The following STK3 variants were observed in gnomAD, a reference collection of about 807,000 sequenced individuals.
The protein encoded by STK3 is serine/threonine kinase 3.
A neutral mutation model predicts 58.0 loss-of-function variants in STK3; 41 were observed. That is an observed-to-expected ratio of 0.71 (90% CI 0.55 to 0.92). The LOEUF (loss-of-function observed/expected upper bound fraction) is 0.92, where lower values mean the gene tolerates loss of function less well. Among genes scored for constraint, STK3 ranks in the 40% least tolerant of loss-of-function variants. The probability of loss-of-function intolerance (pLI) is 0.00; values close to 1 mark genes in which losing one functional copy is unlikely to be tolerated. For missense variants in STK3, 479 were observed against 602.7 expected (o/e 0.79, Z 2.15); for synonymous variants, 170 against 191.0 (o/e 0.89, Z 0.91).
intron 10 of STK3, among the ~76,000 whole-genome samples, chr8:98,471,135 G>A (rs1182420074): frequency 3.3e-5 from 5 of 152,106 alleles, no homozygotes; most frequent in Admixed American, 6.5e-5. Flanking sequence ...AAGTTAGGAA[G>A]CTGGGCCACT....
intron 6 of STK3, among the ~76,000 whole-genome samples, chr8:98,690,695 T>G (rs571652646): frequency 6.6e-6 from 1 of 152,222 alleles, no homozygotes; most frequent in South Asian, 2.1e-4. Flanking sequence ...AGAAAAAAAC[T>G]ATTCCAAAAT....
intron 4 of STK3, among the ~76,000 whole-genome samples, chr8:98,736,448 G>T (rs1239390077): frequency 2.0e-5 from 3 of 152,150 alleles, no homozygotes; most frequent in Non-Finnish European, 2.9e-5. Context: ...CAGTGACAAG[G>T]TATGAAACTG....
intron 1 of STK3, among the ~76,000 whole-genome samples, chr8:98,926,770 A>T (rs143841548): frequency 3.3e-5 from 5 of 152,360 alleles, no homozygotes; most frequent in African/African-American, 1.2e-4. Flanking sequence ...CAAAAGAGGA[A>T]GTTAGGGCAG....
chr8:98,702,278 G>C (rs1200756111), intron 6 of STK3, among the ~76,000 whole-genome samples: 1 of 152,148 alleles, frequency 6.6e-6, no homozygotes, highest in East Asian at 1.9e-4. Flanking sequence ...CTGACAAACT[G>C]ATAAACTAAA....
chr8:98,535,600 C>G (rs1039026928), intron 9 of STK3, among the ~76,000 whole-genome samples: 1 of 152,024 alleles, frequency 6.6e-6, no homozygotes, highest in Non-Finnish European at 1.5e-5. Flanking sequence ...AGTCAGGGTT[C>G]TCTTGATATA....
upstream of STK3, among the ~76,000 whole-genome samples, chr8:98,391,187 CT>C (rs1817845959): frequency 6.6e-6 from 1 of 152,174 alleles, no homozygotes; most frequent in African/African-American, 2.4e-5. Flanking sequence ...CTATTTTTGT[CT>C]TAGCAGGCAA....
At chr8:98,655,530 C>T (rs1398594202) in intron 6 of STK3, among the ~76,000 whole-genome samples, 3 of 151,904 alleles carry the variant, frequency 2.0e-5, no homozygotes, top group African/African-American at 4.8e-5. Flanking sequence ...AAAGAAACTA[C>T]CATCAGAGTG....
At chr8:98,837,767 C>T (rs1835797786) in intron 3 of STK3, among the ~76,000 whole-genome samples, 1 of 151,770 alleles carries the variant, frequency 6.6e-6, no homozygotes, top group South Asian at 2.1e-4. Context: ...CCATCTCTAC[C>T]AAAAAAATGT....
At chr8:98,461,737 T>C (rs183297220) in intron 10 of STK3, among the ~76,000 whole-genome samples, 1 of 152,344 alleles carries the variant, frequency 6.6e-6, no homozygotes, top group East Asian at 1.9e-4. Flanking sequence ...TCTCCTTCAT[T>C]TATGGAACAG....
At chr8:98,895,317 T>G (rs966927550) in intron 1 of STK3, among the ~76,000 whole-genome samples, 1 of 152,172 alleles carries the variant, frequency 6.6e-6, no homozygotes, top group Non-Finnish European at 1.5e-5. Context: ...AGGCTGCTGG[T>G]CCTCAAACCA....
intron 3 of STK3, among the ~76,000 whole-genome samples, chr8:98,840,458 G>A (rs1323388590): frequency 1.3e-5 from 2 of 148,268 alleles, no homozygotes; most frequent in Non-Finnish European, 3.0e-5. Flanking sequence ...TGTAGTCTCA[G>A]CTACTCAGGA....
At chr8:98,806,391 C>G (rs1833887137) in intron 1 of STK3, among the ~76,000 whole-genome samples, 1 of 152,148 alleles carries the variant, frequency 6.6e-6, no homozygotes, top group South Asian at 2.1e-4. Context: ...ATAAAAAATA[C>G]ACATATATGG....
intron 3 of STK3, among the ~76,000 whole-genome samples, chr8:98,423,664 C>A (rs1818196912): frequency 6.6e-6 from 1 of 152,326 alleles, no homozygotes; most frequent in South Asian, 2.1e-4. Context: ...GGGCGGAAAG[C>A]ACCTCTGTGC....
chr8:98,413,296 C>T, intron 3 of STK3: 1 of 451,490 alleles, frequency 2.2e-6, no homozygotes, highest in Non-Finnish European at 4.4e-6. Context: ...ATTACAGGCG[C>T]AAGCCACCAT....
intron 10 of STK3, among the ~76,000 whole-genome samples, chr8:98,483,516 G>T (rs1471413818): frequency 6.6e-6 from 1 of 152,036 alleles, no homozygotes; most frequent in Non-Finnish European, 1.5e-5. Context: ...GGGTGAGGAG[G>T]GAAAACTTTA....
chr8:98,734,614 A>C (rs566139799), intron 4 of STK3, among the ~76,000 whole-genome samples: 191 of 152,298 alleles, frequency 1.3e-3, no homozygotes, highest in Middle Eastern at 3.4e-3. Flanking sequence ...CTAATCAAAA[A>C]TCTAACCTAT....
At chr8:98,454,021 G>A (rs936982302), downstream of STK3, among the ~76,000 whole-genome samples, 2 of 151,872 alleles carry the variant, frequency 1.3e-5, no homozygotes, top group Non-Finnish European at 2.9e-5. Flanking sequence ...CATACTTATC[G>A]TTCTTTTTAT....
intron 6 of STK3, among the ~76,000 whole-genome samples, chr8:98,689,892 A>G (rs1206258094): frequency 6.6e-6 from 1 of 152,220 alleles, no homozygotes; most frequent in Admixed American, 6.5e-5. Context: ...GATTCAACAT[A>G]TGCAAGTCAG....
intron 6 of STK3, among the ~76,000 whole-genome samples, chr8:98,687,827 C>T (rs184895990): frequency 5.1e-4 from 78 of 152,236 alleles, no homozygotes; most frequent in African/African-American, 6.5e-4. Flanking sequence ...CAAAAGCACA[C>T]GTAAAGCACA....
Sources: gnomAD v4.1 joint callset for allele counts (sites outside exome capture counted in the v4.1 genomes callset) on GRCh38, gnomAD v4.1.1 for gene constraint, MANE v1.5 for transcripts, NCBI Gene and HGNC (gene_info 2026-07-23, HGNC 2026-07-21) for gene names.